The following CCDC88C variants were observed in gnomAD, a reference collection of about 807,000 sequenced individuals.
CCDC88C encodes the protein coiled-coil and HOOK domain protein 88C.
CCDC88C carries 131 observed loss-of-function variants against 198.8 expected under a neutral mutation model. The observed-to-expected ratio is 0.66, with a 90% CI of 0.57 to 0.76. The LOEUF (loss-of-function observed/expected upper bound fraction) is 0.76. CCDC88C is among the 30% of genes least tolerant of loss of function. The pLI, the probability that CCDC88C is intolerant of heterozygous loss-of-function variation, is 0.00. For synonymous variants in CCDC88C, 1,166 were observed against 1,114.7 expected, an observed-to-expected ratio of 1.05 and a Z score of -0.92; for missense variants, 2,553 against 2,631.6, an observed-to-expected ratio of 0.97 and a Z score of 0.65.
chr14:91,297,637 T>C (rs1891069050), intron 21 of CCDC88C, 146 bp from the exon 22 acceptor site: 7 of 771,038 alleles, frequency 9.1e-6, no homozygotes, highest in African/African-American at 1.8e-5. Flanking sequence ...CTTTTTTTTT[T>C]TTCCATGCAT....
intron 3 of CCDC88C, chr14:91,384,273 CT>C (rs3029466): frequency 0.31 from 91,609 of 293,736 alleles, 9,493 homozygotes; most frequent in African/African-American, 0.39. Context: ...CCCCATCTCT[CT>C]TTTTTTTTTT....
Position 91,417,783 on chromosome 14 carries a change from C to A in CCDC88C, c.-93G>T. ...AAACGGCTCCGCAGCGAGCAGCGGG[C>A]GCGGGGCTGCGGCGGCTCGCGCCCG... On this transcript the variant is annotated 5_prime_UTR_variant, in exon 1 of 30. Coordinates refer to ENST00000389857, the MANE Select transcript of CCDC88C (RefSeq NM_001080414.4). The A allele has an allele frequency of 2.2e-6, 2 of 890,544 alleles. No individual in the cohort carries two copies. Among genetic ancestry groups the A allele is most frequent in the Non-Finnish European group, 2.9e-6 (2 of 692,658 alleles). 55.2% of individuals were successfully genotyped at this position (890,544 alleles called of 1,614,324 possible).
chr14:91,309,998 G>A lies in CCDC88C; in HGVS notation c.2737-12C>T. On this transcript the variant is annotated splice_polypyrimidine_tract_variant and intron_variant, in intron 15 of 29. Coordinates refer to ENST00000389857, the MANE Select transcript of CCDC88C (RefSeq NM_001080414.4). The stretch of plus-strand genomic sequence containing the variant: ...TCGAGCACCAGGTCCTGGAATGATG[G>A]GGAGAGAGCACTGGATAGGAGCTCA... 1.9e-6 allele frequency: 3 copies of A among 1,583,298 alleles called. No individual in the cohort carries two copies. Among genetic ancestry groups the A allele is most frequent in the East Asian group, 4.6e-5 (2 of 43,556 alleles).
intron 13 of CCDC88C, among the ~76,000 whole-genome samples, chr14:91,318,254 C>CA (rs1165763602): frequency 7.0e-4 from 102 of 144,848 alleles, no homozygotes; most frequent in Middle Eastern, 3.5e-3. Flanking sequence ...ACCCCAGTTC[C>CA]AAAAAAAAAA....
intron 10 of CCDC88C, among the ~76,000 whole-genome samples, chr14:91,327,246 G>A (rs369930322): frequency 8.5e-5 from 13 of 152,222 alleles, no homozygotes; most frequent in African/African-American, 2.2e-4. Context: ...TCCACCATGT[G>A]CTCATCTTCC....
intron 10 of CCDC88C, among the ~76,000 whole-genome samples, chr14:91,337,220 T>C (rs569926926): frequency 1.2e-4 from 18 of 152,348 alleles, no homozygotes; most frequent in Admixed American, 2.6e-4. Flanking sequence ...CCTACATTTT[T>C]CCCAGAACCT....
At chr14:91,382,894 G>GC (rs1884892598) in intron 3 of CCDC88C, among the ~76,000 whole-genome samples, 1 of 152,092 alleles carries the variant, frequency 6.6e-6, no homozygotes. Flanking sequence ...AGTGTCACAG[G>GC]CCCCGGAAAT....
In CCDC88C at chr14:91,289,113, A is replaced by G. The variant is rs201222692; in HGVS notation, c.4433T>C (p.Val1478Ala). The G allele has an allele frequency of 9.8e-4, 1,575 of 1,611,524 alleles. 12 individuals carry two copies. The African/African-American group carries it at 0.019, about 19-fold the overall frequency. ...AGGACGGCCGCCCCTACCTTTCCCC[A>G]CAGACCCGTTGTGGGCGTCGCGCTC... ...AEERDAHNGS[V>A]GKGPGDLKPK... is the part of the protein sequence containing the mutation. The change falls in exon 25 of 30, where the codon GTG becomes GCG. Residue 1478 changes from valine (V) to alanine (A), a missense_variant. Transcript: ENST00000389857.
chr14:91,289,209 G>C lies in CCDC88C; in HGVS notation c.4337C>G (p.Ala1446Gly). 1.9e-6 allele frequency: 3 copies of C among 1,614,008 alleles called. No individual in the cohort carries two copies. Among genetic ancestry groups the C allele is most frequent in the Non-Finnish European group, 2.5e-6 (3 of 1,179,874 alleles). ...CTGTGATCTGAGCGGCTGAGAGGCC[G>C]CCGGCGAGGCGGGGTCTGAGGACTC... is the stretch of plus-strand genomic sequence containing the variant. ...QLESSDPASP[A>G]ASQPLRSQAE... The change falls in exon 25 of 30, where the codon GCG becomes GGG. Residue 1446 changes from alanine (A) to glycine (G), a missense_variant. Physicochemically the swap from Ala to Gly is moderately conservative, Grantham distance 60. Around this residue, in one of 2 missense-constraint regions of CCDC88C, gnomAD observed 1,293 missense variants for 1,219.6 expected, o/e 1.06. Transcript: ENST00000389857.
intron 2 of CCDC88C, among the ~76,000 whole-genome samples, chr14:91,410,806 C>A (rs1006403228): frequency 6.6e-6 from 1 of 152,196 alleles, no homozygotes; most frequent in African/African-American, 2.4e-5. Flanking sequence ...TGTTTTGTTT[C>A]TTCTTTCTTT....
In CCDC88C at chr14:91,294,174, T is replaced by G; in HGVS notation, c.4111A>C (p.Ile1371Leu). The change falls in exon 23 of 30, where the codon ATA (isoleucine) becomes CTA (leucine). Residue 1371 changes from isoleucine to leucine, a missense_variant and splice_region_variant. Coordinates refer to ENST00000389857, the MANE Select transcript of CCDC88C (RefSeq NM_001080414.4). ...EQYHEEQKQY[I>L]DKLNALRRHK... Reference sequence around the variant, plus strand: ...GGGGTTCAGGGACTCCCTGCTTACATGTACTGCTTCTGCTCCTCATGGTAC... The same window carrying G: ...GGGGTTCAGGGACTCCCTGCTTACAGGTACTGCTTCTGCTCCTCATGGTAC... 6.2e-7 allele frequency: 1 copy of G among 1,613,976 alleles called. No homozygotes were observed. The highest frequency in any genetic ancestry group is 8.5e-7 in the Non-Finnish European group (1 of 1,179,846).
At chr14:91,341,852 G>A (rs182250412) in intron 6 of CCDC88C, among the ~76,000 whole-genome samples, 17 of 152,328 alleles carry the variant, frequency 1.1e-4, no homozygotes, top group African/African-American at 3.8e-4. Context: ...GAGCCCTCCC[G>A]GCCCCTCGCT....
chr14:91,281,182 G>T, intron 27 of CCDC88C: 1 of 728,330 alleles, frequency 1.4e-6, no homozygotes, highest in Non-Finnish European at 2.2e-6. Context: ...GGAACTTCCT[G>T]GCCAGCCTGG....
intron 17 of CCDC88C, 94 bp downstream of exon 17, chr14:91,308,257 A>T (rs1891645533): frequency 6.9e-7 from 1 of 1,447,996 alleles, no homozygotes. Flanking sequence ...GAAAATGGGT[A>T]TCCAGGCCAC....
Position 91,342,694 on chromosome 14 carries a change from G to A in CCDC88C, c.400-231C>T, listed in dbSNP as rs535182966. 7.2e-5 allele frequency among the ~76,000 whole-genome samples: 11 copies of A among 152,238 alleles called. No homozygotes were observed. In the South Asian group the frequency reaches 1.0e-3, roughly 14 times the overall value. On this transcript the variant is annotated intron_variant, in intron 5 of 29. Transcript: ENST00000389857. Reference sequence around the variant, plus strand: ...GAGCTTGTTCTTAAAACTCCCATCCGTAAGCCCCCACCCAGATTGAAAAGA... The same window carrying A: ...GAGCTTGTTCTTAAAACTCCCATCCATAAGCCCCCACCCAGATTGAAAAGA...
chr14:91,401,487 AC>A (rs1297672056), intron 3 of CCDC88C, among the ~76,000 whole-genome samples: 2 of 151,022 alleles, frequency 1.3e-5, no homozygotes, highest in Non-Finnish European at 2.9e-5. Flanking sequence ...GTCGCCCACC[AC>A]CACACCAGGC....
intron 4 of CCDC88C, among the ~76,000 whole-genome samples, chr14:91,349,012 A>G (rs541480350): frequency 6.6e-6 from 1 of 152,296 alleles, no homozygotes; most frequent in South Asian, 2.1e-4. Context: ...TCAGGATTTC[A>G]GTCATAAGAA....
intron 13 of CCDC88C, among the ~76,000 whole-genome samples, chr14:91,316,565 G>A (rs1596063694): frequency 6.6e-6 from 1 of 152,210 alleles, no homozygotes; most frequent in East Asian, 1.9e-4. Context: ...TAGGACTACA[G>A]AAGCCTGCCA....
rs752939250 is a variant in CCDC88C, at chr14:91,342,428, T to TCTCA, written c.434_435insTGAG (p.Lys145AsnfsTer7). On this transcript the variant is annotated frameshift_variant, in exon 6 of 30. Transcript: ENST00000389857. LOFTEE classifies it high-confidence loss of function. ...CAGCCTGGGTCTCAATGTCCAGCTG[T>TCTCA]TTGATTCTTTCAATGAACTCCTCTT... 6.3e-7 allele frequency: 1 copy of TCTCA among 1,598,712 alleles called. No homozygotes were observed. The highest frequency in any genetic ancestry group is 8.5e-7 in the Non-Finnish European group (1 of 1,172,622).
Sources: allele counts gnomAD v4.1 joint callset (sites outside exome capture counted in the v4.1 genomes callset), GRCh38; gene constraint gnomAD v4.1.1; regional missense constraint gnomAD v4.1.1; transcripts MANE v1.5; gene names NCBI Gene and HGNC (gene_info 2026-07-23, HGNC 2026-07-21).